NTNG2: variants seen among roughly 807,000 people sequenced by gnomAD.
The protein encoded by NTNG2 is netrin G2, also known as netrin-G2.
A neutral mutation model predicts 47.6 loss-of-function variants in NTNG2; 15 were observed. That is an observed-to-expected ratio of 0.32 (90% CI 0.21 to 0.49). NTNG2 has a LOEUF of 0.49. Among genes scored for constraint, NTNG2 ranks in the 20% least tolerant of loss-of-function variants. NTNG2 has a pLI of 0.99. For synonymous variants in NTNG2, 307 were observed against 324.6 expected, an observed-to-expected ratio of 0.95 and a Z score of 0.58; for missense variants, 578 against 764.6, an observed-to-expected ratio of 0.76 and a Z score of 2.88.
chr9:132,212,077 G>A (rs1839631398), intron 3 of NTNG2, among the ~76,000 whole-genome samples: 1 of 152,168 alleles, frequency 6.6e-6, no homozygotes, highest in Non-Finnish European at 1.5e-5. Flanking sequence ...GGGCTTGCTA[G>A]CACCCACCCT....
rs1456610400 is a variant in NTNG2, at chr9:132,208,878, C to G, written c.857+10269C>G. On this transcript the variant is annotated intron_variant, in intron 3 of 7. Transcript: ENST00000393229. This position sits in a 1 kb window ranked among gnomAD's most constrained non-coding sequence, Gnocchi z 4.0. Reference sequence around the variant, plus strand: ...CCCGTCTCTCCAAGAACTCCCGTCCCGAGACCCCTGGAAGCCCCCATCCTG... The same window carrying G: ...CCCGTCTCTCCAAGAACTCCCGTCCGGAGACCCCTGGAAGCCCCCATCCTG... 1.3e-5 allele frequency among the ~76,000 whole-genome samples: 2 copies of G among 152,294 alleles called. No homozygotes were observed. The highest frequency in any genetic ancestry group is 1.9e-4 in the East Asian group (1 of 5,186).
At chr9:132,205,542 G>A (rs1839104536) in intron 3 of NTNG2, among the ~76,000 whole-genome samples, 1 of 152,204 alleles carries the variant, frequency 6.6e-6, no homozygotes, top group African/African-American at 2.4e-5. Context: ...AACGGTGCTT[G>A]CACAGCACTG....
intron 2 of NTNG2, among the ~76,000 whole-genome samples, chr9:132,196,099 T>C (rs1252539984): frequency 6.6e-6 from 1 of 152,086 alleles, no homozygotes; most frequent in Non-Finnish European, 1.5e-5. Flanking sequence ...TGATACATTA[T>C]TATTAACTAA....
chr9:132,188,449 T>C (rs1433810458), intron 2 of NTNG2, among the ~76,000 whole-genome samples: 1 of 152,196 alleles, frequency 6.6e-6, no homozygotes, highest in Admixed American at 6.5e-5. Context: ...CCCAGCTCAG[T>C]GGGCCATCCC....
In NTNG2 at chr9:132,208,616, G is replaced by A. The variant is rs1418412837; in HGVS notation, c.857+10007G>A. 6.6e-6 allele frequency among the ~76,000 whole-genome samples: 1 copy of A among 152,116 alleles called. No homozygotes were observed. The highest frequency in any genetic ancestry group is 1.9e-4 in the East Asian group (1 of 5,192). ...AGCTGATGGGAGCAGGCGGTGGGAG[G>A]CATCATGGAGGACTCCCAGGCATCT... On this transcript the variant is annotated intron_variant, in intron 3 of 7. Transcript: ENST00000393229. The surrounding 1 kb of genome is among the most constrained non-coding windows in gnomAD (Gnocchi z 4.0).
chr9:132,225,149 T>C (rs1418758064), intron 3 of NTNG2, among the ~76,000 whole-genome samples: 1 of 152,246 alleles, frequency 6.6e-6, no homozygotes, highest in African/African-American at 2.4e-5. Context: ...ACTCCTGACC[T>C]CAAGTTATCT....
intron 3 of NTNG2, among the ~76,000 whole-genome samples, chr9:132,216,414 C>CTCTCTCTCTCTGTGTG (rs1554790515): frequency 4.8e-4 from 53 of 110,326 alleles, no homozygotes; most frequent in African/African-American, 2.3e-3. Flanking sequence ...CTCTCTCTCT[C>CTCTCTCTCTCTGTGTG]TGTGTGTGTG....
intron 3 of NTNG2, 36 bp downstream of exon 3, chr9:132,198,645 C>G: frequency 6.3e-7 from 1 of 1,581,436 alleles, no homozygotes; most frequent in Non-Finnish European, 8.6e-7. Flanking sequence ...TCACCTGCAA[C>G]CTGGGATGCT....
chr9:132,179,578 C>T (rs549749158), intron 2 of NTNG2, among the ~76,000 whole-genome samples: 4 of 152,296 alleles, frequency 2.6e-5, no homozygotes, highest in South Asian at 2.1e-4. Flanking sequence ...GTGTGCTGGA[C>T]GCCTGGGAGC....
chr9:132,223,586 C>A (rs559689699), intron 3 of NTNG2, among the ~76,000 whole-genome samples: 3 of 152,204 alleles, frequency 2.0e-5, no homozygotes, highest in South Asian at 4.1e-4. Flanking sequence ...TGGACGAGAG[C>A]CAGTCAGGGG....
chr9:132,162,533 A>AGTGT lies in NTNG2; in HGVS notation c.-484+295_-484+296insTGTG, dbSNP rs1187377708. Among the ~76,000 whole-genome samples the AGTGT allele has an allele frequency of 1.1e-5, 1 of 94,474 alleles. No homozygotes were observed. The highest frequency in any genetic ancestry group is 5.3e-5 in the African/African-American group (1 of 18,696). The allele number at this position is 94,474 out of a possible 152,430, so 62.0% of individuals were successfully genotyped here. A position where few individuals can be genotyped will look rare whatever the true frequency, so the allele number is the denominator to read the frequency against. On this transcript the variant is annotated intron_variant, in intron 1 of 7. Coordinates refer to ENST00000393229, the MANE Select transcript of NTNG2 (RefSeq NM_032536.4). This position sits in a 1 kb window ranked among gnomAD's most constrained non-coding sequence, Gnocchi z 4.6. ...CCGGGTCCTTTCCGTCGTGTGTGTGAGAGTGTGTGTGTGTGTGTGTGTGAG... is the reference window on the plus strand; with the variant it reads ...CCGGGTCCTTTCCGTCGTGTGTGTGAGTGTGAGTGTGTGTGTGTGTGTGTGTGAG...
In NTNG2 at chr9:132,236,895, C is replaced by A. The variant is rs577264836; in HGVS notation, c.1055-2209C>A. On this transcript the variant is annotated intron_variant, in intron 5 of 7. Transcript: ENST00000393229. This position sits in a 1 kb window ranked among gnomAD's most constrained non-coding sequence, Gnocchi z 4.3. ...GACTCCAGGGACAGCGAAGGATTCA[C>A]TTCGGCTGGAGCAGGAAGAGTGTTT... Among the ~76,000 whole-genome samples, 1 of 152,322 alleles carries A rather than the reference C, an allele frequency of 6.6e-6. No homozygotes were observed. The highest frequency in any genetic ancestry group is 1.9e-4 in the East Asian group (1 of 5,182).
intron 4 of NTNG2, among the ~76,000 whole-genome samples, 161 bp downstream of exon 4, chr9:132,227,182 T>C (rs1002457050): frequency 2.6e-5 from 4 of 152,202 alleles, no homozygotes; most frequent in African/African-American, 9.7e-5. Context: ...CGAGCATGCA[T>C]GCACAGGCAT....
At position 132,189,749 on chromosome 9, in the gene NTNG2, C is replaced by T. The variant is rs10117460; in HGVS notation, c.214-8217C>T. On this transcript the variant is annotated intron_variant, in intron 2 of 7. Transcript: ENST00000393229. ...CTGCCTCCCAGGTTCAAATGATTCT[C>T]GTGCCTCAGCCTCCTGAGTAGCTGG... Among the ~76,000 whole-genome samples, 696 of 152,198 alleles carry T rather than the reference C, an allele frequency of 4.6e-3. 7 individuals are homozygous for T. Among genetic ancestry groups the T allele is most frequent in the African/African-American group, 0.015 (637 of 41,548 alleles).
At chr9:132,233,745 G>A (rs1428442859) in intron 5 of NTNG2, 1 of 152,224 alleles carries the variant, frequency 6.6e-6, no homozygotes, top group African/African-American at 2.4e-5. Context: ...TCGTATCATT[G>A]TATCATCATA....
intron 3 of NTNG2, among the ~76,000 whole-genome samples, chr9:132,200,766 C>T (rs1299484787): frequency 1.3e-5 from 2 of 152,226 alleles, no homozygotes; most frequent in Non-Finnish European, 2.9e-5. Flanking sequence ...GTGGTTCTGA[C>T]ACCCGTGATC....
intron 2 of NTNG2, among the ~76,000 whole-genome samples, chr9:132,184,960 G>A (rs893152146): frequency 6.6e-6 from 1 of 152,196 alleles, no homozygotes; most frequent in Non-Finnish European, 1.5e-5. Context: ...GAGAGAGGCA[G>A]AGCTGGTGGC....
Position 132,162,566 on chromosome 9 carries a change from CAGAGTGTG to C in NTNG2, c.-484+328_-484+335del, listed in dbSNP as rs1835127435. The stretch of plus-strand genomic sequence containing the variant: ...TGTGTGTGTGTGTGTGAGAGAGAGA[CAGAGTGTG>C]TGTGTGTGTGTGTGTGTGTGTGTGT... On this transcript the variant is annotated intron_variant, in intron 1 of 7. Coordinates refer to ENST00000393229, the MANE Select transcript of NTNG2 (RefSeq NM_032536.4). This position sits in a 1 kb window ranked among gnomAD's most constrained non-coding sequence, Gnocchi z 4.6. Among the ~76,000 whole-genome samples, 1 of 35,490 alleles carries C rather than the reference CAGAGTGTG, an allele frequency of 2.8e-5. No individual in the cohort carries two copies. Among genetic ancestry groups the C allele is most frequent in the East Asian group, 7.4e-4 (1 of 1,356 alleles). 23.3% of individuals were successfully genotyped at this position (35,490 alleles called of 152,430 possible).
At chr9:132,235,629 TTCTTC>T (rs1841564554) in intron 5 of NTNG2, among the ~76,000 whole-genome samples, 1 of 152,136 alleles carries the variant, frequency 6.6e-6, no homozygotes, top group African/African-American at 2.4e-5. Context: ...ATAACTTGGT[TTCTTC>T]TCTTCTTCCC....
Sources: allele counts gnomAD v4.1 joint callset (sites outside exome capture counted in the v4.1 genomes callset), GRCh38; gene constraint gnomAD v4.1.1; non-coding constraint Gnocchi (gnomAD v3.1); transcripts MANE v1.5; gene names NCBI Gene and HGNC (gene_info 2026-07-23, HGNC 2026-07-21).